Variants in MYZAP observed in about 807,000 individuals in gnomAD.
MYZAP encodes GRINL1A complex locus upstream.
MYZAP carries 66 observed loss-of-function variants against 69.4 expected under a neutral mutation model. The ratio of observed to expected loss-of-function variants is 0.95; its 90% CI spans 0.78 to 1.17. The LOEUF (loss-of-function observed/expected upper bound fraction) is 1.17, where lower values mean the gene tolerates loss of function less well. Ranked by LOEUF, MYZAP falls within the 50% of genes most tolerant of loss-of-function variation. MYZAP has a pLI of 0.00. For synonymous variants in MYZAP, 256 were observed against 205.9 expected, an observed-to-expected ratio of 1.24 and a Z score of -2.09; for missense variants, 611 against 556.2, an observed-to-expected ratio of 1.10 and a Z score of -0.99.
chr15:57,594,103 G>A (rs538653652), intron 1 of MYZAP, among the ~76,000 whole-genome samples: 2 of 152,250 alleles, frequency 1.3e-5, no homozygotes, highest in Admixed American at 1.3e-4. Context: ...AGGCATCAGG[G>A]GAAGGCCTCT....
chr15:57,645,122 T>C (rs560040104), intron 10 of MYZAP, among the ~76,000 whole-genome samples: 1 of 152,240 alleles, frequency 6.6e-6, no homozygotes, highest in Non-Finnish European at 1.5e-5. Context: ...GGTTAAATAA[T>C]TATATTAGCA....
intron 8 of MYZAP, 91 bp downstream of exon 8, chr15:57,633,832 T>C: frequency 7.6e-7 from 1 of 1,316,880 alleles, no homozygotes; most frequent in Non-Finnish European, 9.8e-7. Flanking sequence ...TATGGATTCC[T>C]CTCACCTCCA....
chr15:57,597,125 G>A (rs905256951), intron 1 of MYZAP, among the ~76,000 whole-genome samples: 4 of 152,218 alleles, frequency 2.6e-5, no homozygotes, highest in Admixed American at 6.5e-5. Flanking sequence ...CAGGAAACGG[G>A]TGACAAATAC....
At chr15:57,625,165 C>T (rs753629777) in intron 4 of MYZAP, among the ~76,000 whole-genome samples, 3 of 152,156 alleles carry the variant, frequency 2.0e-5, no homozygotes, top group Admixed American at 6.5e-5. Flanking sequence ...CCTCAGCCTC[C>T]GGGGTTCAAG....
chr15:57,632,287 C>G lies in MYZAP; in HGVS notation c.679-147C>G, dbSNP rs1175573637. On this transcript the variant is annotated intron_variant, in intron 6 of 12. Coordinates refer to ENST00000267853, the MANE Select transcript of MYZAP (RefSeq NM_001018100.5). ...TGCTCACCCCTCTTCCTCCCTTTCC[C>G]TGTTAGGTCTTGCTGTGTCTCTCTG... is the stretch of plus-strand genomic sequence containing the variant. The G allele has an allele frequency of 5.3e-6, 7 of 1,330,350 alleles. No individual in the cohort carries two copies. In the Admixed American group the frequency reaches 1.2e-4, roughly 22 times the overall value. 82.4% of individuals were successfully genotyped at this position (1,330,350 alleles called of 1,614,324 possible).
chr15:57,644,013 C>T (rs1446928218), intron 10 of MYZAP, among the ~76,000 whole-genome samples: 1 of 152,202 alleles, frequency 6.6e-6, no homozygotes, highest in African/African-American at 2.4e-5. Flanking sequence ...TGCTTCTCCA[C>T]CCAAGCTACA....
intron 10 of MYZAP, among the ~76,000 whole-genome samples, chr15:57,640,906 A>G (rs2037114219): frequency 6.6e-6 from 1 of 152,158 alleles, no homozygotes; most frequent in African/African-American, 2.4e-5. Context: ...GCGGAGGGAG[A>G]TCCTGCCCTA....
chr15:57,647,550 CAT>C (rs2037505194), intron 10 of MYZAP: 1 of 985,312 alleles, frequency 1.0e-6, no homozygotes, highest in African/African-American at 1.7e-5. Context: ...ACAGGTCACC[CAT>C]GTAAGTCCTG....
At chr15:57,638,604 C>T (rs2036954059) in intron 9 of MYZAP, among the ~76,000 whole-genome samples, 1 of 152,192 alleles carries the variant, frequency 6.6e-6, no homozygotes. Flanking sequence ...GACCTTTCCT[C>T]CAGTGCCCAG....
intron 12 of MYZAP, among the ~76,000 whole-genome samples, chr15:57,678,041 C>CAAAAAAA (rs56102709): frequency 1.4e-3 from 164 of 116,214 alleles, no homozygotes; most frequent in African/African-American, 5.4e-3. Context: ...TTATCTCTAC[C>CAAAAAAA]AAAAAAAAAA....
In MYZAP at chr15:57,628,851, G is replaced by C. The variant is rs575353312; in HGVS notation, c.526-851G>C. 4.2e-3 allele frequency among the ~76,000 whole-genome samples: 633 copies of C among 152,158 alleles called. 5 individuals are homozygous for C. The highest frequency in any genetic ancestry group is 0.014 in the African/African-American group (586 of 41,526). On this transcript the variant is annotated intron_variant, in intron 5 of 12. Coordinates refer to ENST00000267853, the MANE Select transcript of MYZAP (RefSeq NM_001018100.5). ...TGTAATCCCAGCACTTTGGGAGGCCGAGTCAGGTGGATCACGAGGTCAGGA... is the reference window on the plus strand; with the variant it reads ...TGTAATCCCAGCACTTTGGGAGGCCCAGTCAGGTGGATCACGAGGTCAGGA...
intron 2 of MYZAP, among the ~76,000 whole-genome samples, chr15:57,610,315 C>T (rs1266636904): frequency 6.6e-6 from 1 of 152,192 alleles, no homozygotes; most frequent in African/African-American, 2.4e-5. Context: ...GTTTTATAGT[C>T]CTCTTTCCTT....
At chr15:57,616,822 C>CTTTTTTTTTTTTTTTTTTTGT (rs2035488313) in intron 2 of MYZAP, among the ~76,000 whole-genome samples, 1 of 50,056 alleles carries the variant, frequency 2.0e-5, no homozygotes, top group Non-Finnish European at 3.5e-5. Flanking sequence ...AAAAAAAGTG[C>CTTTTTTTTTTTTTTTTTTTGT]TTTTTTTTTT....
intron 11 of MYZAP, among the ~76,000 whole-genome samples, chr15:57,673,508 GTGTGTGTGTGA>G (rs2038975132): frequency 6.7e-6 from 1 of 150,030 alleles, no homozygotes; most frequent in African/African-American, 2.5e-5. Flanking sequence ...GTGTGTGTGT[GTGTGTGTGTGA>G]ATGCTGATGA....
intron 1 of MYZAP, 129 bp from the exon 2 acceptor site, chr15:57,604,140 T>G: frequency 1.0e-6 from 1 of 976,408 alleles, no homozygotes; most frequent in South Asian, 1.7e-5. Flanking sequence ...CCTCTATGGC[T>G]CCTGTATGAT....
At chr15:57,623,519 G>A (rs2035942586) in intron 4 of MYZAP, among the ~76,000 whole-genome samples, 1 of 152,116 alleles carries the variant, frequency 6.6e-6, no homozygotes, top group Non-Finnish European at 1.5e-5. Flanking sequence ...GATCATTTGA[G>A]GTCAGGAGTT....
intron 5 of MYZAP, among the ~76,000 whole-genome samples, chr15:57,629,149 C>T (rs1285422299): frequency 6.6e-6 from 1 of 150,920 alleles, no homozygotes; most frequent in African/African-American, 2.4e-5. Context: ...CTATAAAGCT[C>T]GTATTTTGTT....
At chr15:57,664,067 C>G (rs2038446200) in intron 11 of MYZAP, among the ~76,000 whole-genome samples, 1 of 128,964 alleles carries the variant, frequency 7.8e-6, no homozygotes. Flanking sequence ...TGTTTCTGTT[C>G]TTGTTTTTTT....
chr15:57,683,445 T>A (rs1331578476), intron 12 of MYZAP, among the ~76,000 whole-genome samples: 1 of 152,180 alleles, frequency 6.6e-6, no homozygotes, highest in African/African-American at 2.4e-5. Flanking sequence ...ACACAGTACA[T>A]GAAAATTTTT....
Sources: allele counts gnomAD v4.1 joint callset (sites outside exome capture counted in the v4.1 genomes callset), GRCh38; gene constraint gnomAD v4.1.1; transcripts MANE v1.5; gene names NCBI Gene and HGNC (gene_info 2026-07-23, HGNC 2026-07-21).